EHD4: variants seen among roughly 807,000 people sequenced by gnomAD.
EHD4 encodes EH domain containing 4.
In EHD4, 37 loss-of-function variants were observed where a neutral mutation model predicts 51.0. The ratio of observed to expected loss-of-function variants is 0.73; its 90% CI spans 0.56 to 0.95. The LOEUF is 0.95. Among genes scored for constraint, EHD4 ranks in the 40% least tolerant of loss-of-function variants. The pLI is 0.00. For missense variants in EHD4, 632 were observed against 733.1 expected (o/e 0.86, Z 1.59); for synonymous variants, 297 against 317.3 (o/e 0.94, Z 0.68).
intron 1 of EHD4, 148 bp from the exon 2 acceptor site, chr15:41,954,088 T>C: frequency 1.2e-6 from 1 of 864,906 alleles, no homozygotes; most frequent in Non-Finnish European, 1.8e-6. Flanking sequence ...CTCCTCTGCA[T>C]TTCTGTTGAT....
chr15:41,947,705 T>A (rs2067824649), intron 2 of EHD4, among the ~76,000 whole-genome samples: 1 of 152,216 alleles, frequency 6.6e-6, no homozygotes, highest in Non-Finnish European at 1.5e-5. Context: ...AGGAACTGAA[T>A]TTCACATCCA....
At chr15:41,928,577 T>C (rs1027236720) in intron 3 of EHD4, 1 of 152,238 alleles carries the variant, frequency 6.6e-6, no homozygotes, top group Admixed American at 6.5e-5. Context: ...ATATATTATT[T>C]TTATATCAAG....
intron 4 of EHD4, among the ~76,000 whole-genome samples, chr15:41,912,562 G>C (rs1031684067): frequency 1.3e-5 from 2 of 152,112 alleles, no homozygotes; most frequent in African/African-American, 2.4e-5. Flanking sequence ...GGGTGTGGTG[G>C]TGTGCTCCTA....
In EHD4 at chr15:41,918,217, T is replaced by TACACACACACACAC. The variant is rs10682608; in HGVS notation, c.924+979_924+992dup. 2.1e-3 allele frequency among the ~76,000 whole-genome samples: 310 copies of TACACACACACACAC among 147,378 alleles called. 3 individuals are homozygous for TACACACACACACAC. The highest frequency in any genetic ancestry group is 6.8e-3 in the African/African-American group (270 of 39,714). ...ACATAGCCAATCACCCAGGGAGCTT[T>TACACACACACACAC]ACACACACACACACACACACACACA... On this transcript the variant is annotated intron_variant, in intron 4 of 5. Coordinates refer to ENST00000220325, the MANE Select transcript of EHD4 (RefSeq NM_139265.4).
intron 5 of EHD4, among the ~76,000 whole-genome samples, chr15:41,907,724 G>A (rs1023758674): frequency 4.0e-5 from 6 of 151,756 alleles, no homozygotes; most frequent in Admixed American, 6.6e-5. Flanking sequence ...GTTTCACTAC[G>A]TTGCACAGGC....
chr15:41,967,103 C>T (rs1282404401), intron 1 of EHD4, among the ~76,000 whole-genome samples: 3 of 152,210 alleles, frequency 2.0e-5, no homozygotes, highest in African/African-American at 7.2e-5. Flanking sequence ...CCCATCCTTC[C>T]TCTTCTTGGA....
At chr15:41,940,651 A>G (rs1595540018) in intron 3 of EHD4, among the ~76,000 whole-genome samples, 2 of 152,254 alleles carry the variant, frequency 1.3e-5, no homozygotes, top group South Asian at 4.1e-4. Flanking sequence ...TGGAACATAT[A>G]TGCTATTTCT....
At chr15:41,910,933 T>C (rs1245338453) in intron 4 of EHD4, among the ~76,000 whole-genome samples, 1 of 152,076 alleles carries the variant, frequency 6.6e-6, no homozygotes, top group Non-Finnish European at 1.5e-5. Flanking sequence ...TAAGAAAGGA[T>C]GAAAAACAGA....
chr15:41,931,303 G>A (rs546607967), intron 3 of EHD4, among the ~76,000 whole-genome samples: 5 of 152,292 alleles, frequency 3.3e-5, no homozygotes, highest in African/African-American at 1.2e-4. Flanking sequence ...CTTGAGCCTA[G>A]GAGTTTGAGA....
intron 1 of EHD4, among the ~76,000 whole-genome samples, chr15:41,957,996 G>A (rs918118998): frequency 4.9e-4 from 74 of 152,054 alleles, no homozygotes; most frequent in African/African-American, 1.5e-3. Context: ...ACAGCCACAC[G>A]GGATAGACAG....
At chr15:41,965,699 C>A (rs1475718353) in intron 1 of EHD4, among the ~76,000 whole-genome samples, 5 of 152,188 alleles carry the variant, frequency 3.3e-5, no homozygotes, top group Non-Finnish European at 7.3e-5. Flanking sequence ...CAGAAGGAAC[C>A]ACGGCCTTCT....
intron 4 of EHD4, among the ~76,000 whole-genome samples, chr15:41,916,627 G>T (rs1023180527): frequency 7.9e-5 from 12 of 152,222 alleles, no homozygotes; most frequent in African/African-American, 2.9e-4. Context: ...CATTTAAGCA[G>T]AAACAAGTTC....
At chr15:41,907,104 G>A (rs575362258) in intron 5 of EHD4, among the ~76,000 whole-genome samples, 1 of 152,310 alleles carries the variant, frequency 6.6e-6, no homozygotes, top group South Asian at 2.1e-4. Context: ...CGGGCTCACA[G>A]GGGACCAGCA....
intron 1 of EHD4, among the ~76,000 whole-genome samples, 171 bp from the exon 2 acceptor site, chr15:41,954,111 AC>A (rs1376143484): frequency 6.6e-6 from 1 of 151,980 alleles, no homozygotes; most frequent in Non-Finnish European, 1.5e-5. Flanking sequence ...AACAGACGCT[AC>A]CCCAAGGGAA....
intron 3 of EHD4, among the ~76,000 whole-genome samples, chr15:41,933,938 T>G (rs926516431): frequency 4.6e-5 from 7 of 152,126 alleles, no homozygotes; most frequent in Admixed American, 3.9e-4. Context: ...ACAGGGTCAC[T>G]TGGTGACTCC....
intron 3 of EHD4, among the ~76,000 whole-genome samples, chr15:41,933,544 G>A (rs1263880844): frequency 2.0e-5 from 3 of 152,124 alleles, no homozygotes; most frequent in Non-Finnish European, 4.4e-5. Context: ...GGAGAAACGT[G>A]CCCGGCCAGT....
At position 41,972,487 on chromosome 15, in the gene EHD4, C is replaced by T; in HGVS notation, c.8G>A (p.Ser3Asn). 1 of 1,522,544 alleles carries T rather than the reference C, an allele frequency of 6.6e-7. No individual in the cohort carries two copies. 94.3% of individuals were successfully genotyped at this position (1,522,544 alleles called of 1,614,324 possible). ...CCCGCCCGCCTGCCGCCCCATCCAGCTGAACATCCTGCCGCCAGTCCACGC... is the reference window on the plus strand; with the variant it reads ...CCCGCCCGCCTGCCGCCCCATCCAGTTGAACATCCTGCCGCCAGTCCACGC... Reference protein sequence around the residue: MFSWMGRQAGGRE... With the variant: MFNWMGRQAGGRE... The change falls in exon 1 of 6, where the codon AGC becomes AAC. Residue 3 changes from serine to asparagine, a missense_variant. Ser to Asn is a conservative substitution (Grantham distance 46). Coordinates refer to ENST00000220325, the MANE Select transcript of EHD4 (RefSeq NM_139265.4).
At chr15:41,957,020 T>C (rs1595545044) in intron 1 of EHD4, among the ~76,000 whole-genome samples, 2 of 152,240 alleles carry the variant, frequency 1.3e-5, no homozygotes, top group South Asian at 2.1e-4. Context: ...TTTGACACCA[T>C]GTGTTAGAAG....
chr15:41,920,907 A>G (rs909801349), intron 3 of EHD4, among the ~76,000 whole-genome samples: 14 of 152,352 alleles, frequency 9.2e-5, no homozygotes, highest in Admixed American at 3.9e-4. Context: ...AAAAATGTCA[A>G]CATCGATTGT....
Sources: allele counts gnomAD v4.1 joint callset (sites outside exome capture counted in the v4.1 genomes callset), GRCh38; gene constraint gnomAD v4.1.1; transcripts MANE v1.5; gene names NCBI Gene and HGNC (gene_info 2026-07-23, HGNC 2026-07-21).